The following CTNNA3 variants were observed in gnomAD, a reference collection of about 807,000 sequenced individuals.
CTNNA3 encodes catenin alpha 3, also known as catenin alpha-3.
In CTNNA3, 76 loss-of-function variants were observed where a neutral mutation model predicts 95.7. That is an observed-to-expected ratio of 0.79 (90% CI 0.66 to 0.96). The LOEUF (loss-of-function observed/expected upper bound fraction) is 0.96. Among genes scored for constraint, CTNNA3 ranks in the 40% least tolerant of loss-of-function variants. The pLI is 0.00. For missense variants in CTNNA3, 1,191 were observed against 1,089.8 expected (o/e 1.09, Z -1.31); for synonymous variants, 431 against 374.4 (o/e 1.15, Z -1.74).
chr10:67,314,881 A>G (rs1168416159), intron 5 of CTNNA3, among the ~76,000 whole-genome samples: 1 of 152,148 alleles, frequency 6.6e-6, no homozygotes, highest in Non-Finnish European at 1.5e-5. Context: ...TGCTACATTG[A>G]TTTTTATCAG....
rs189950547 is a variant in CTNNA3 at position 66,082,139 on chromosome 10, C to A, written c.1978-12650G>T. Among the ~76,000 whole-genome samples, 574 of 150,868 alleles carry A rather than the reference C, an allele frequency of 3.8e-3. 15 individuals are homozygous for A. The highest frequency in any genetic ancestry group is 0.031 in the Admixed American group (463 of 15,128). ...GCAAAAAAATAAAAATAAAAATAAA[C>A]ATAAAAACTGGCACTGCACCCAAGA... On this transcript the variant is annotated intron_variant, in intron 14 of 17. Coordinates refer to ENST00000433211, the MANE Select transcript of CTNNA3 (RefSeq NM_013266.4).
intron 7 of CTNNA3, among the ~76,000 whole-genome samples, chr10:66,819,092 T>TAAAAAAAAAAA (rs35494489): frequency 3.6e-5 from 4 of 110,722 alleles, no homozygotes; most frequent in African/African-American, 1.5e-4. Context: ...ACTCTTGTCT[T>TAAAAAAAAAAA]AAAAAAAAAA....
intron 5 of CTNNA3, among the ~76,000 whole-genome samples, chr10:67,405,540 A>G (rs1845108496): frequency 6.6e-6 from 1 of 152,252 alleles, no homozygotes; most frequent in Admixed American, 6.5e-5. Context: ...ACCCAGATTC[A>G]TAAAGCAAGT....
intron 5 of CTNNA3, among the ~76,000 whole-genome samples, chr10:67,235,201 G>A (rs868347349): frequency 1.1e-4 from 17 of 152,036 alleles, no homozygotes; most frequent in Middle Eastern, 3.4e-3. Flanking sequence ...AGCCCGCATC[G>A]CCAAGGCAAT....
At chr10:66,977,663 T>C (rs1850127749) in intron 7 of CTNNA3, among the ~76,000 whole-genome samples, 1 of 152,190 alleles carries the variant, frequency 6.6e-6, no homozygotes, top group Non-Finnish European at 1.5e-5. Flanking sequence ...GCCTTGTATG[T>C]TTTAAAGGTT....
rs548522308 is a variant in CTNNA3, at chr10:67,751,091, T to C, written c.-2+12343A>G. ...CCAAGTCTGTGACACCAGCACGCATTGTTGAGAACATTCAGGCCTTTGACT... is the reference window on the plus strand; with the variant it reads ...CCAAGTCTGTGACACCAGCACGCATCGTTGAGAACATTCAGGCCTTTGACT... On this transcript the variant is annotated intron_variant, in intron 1 of 17. Transcript: ENST00000684154. The C allele has an allele frequency of 3.5e-6, 5 of 1,424,838 alleles. No homozygotes were observed. In the South Asian group the frequency reaches 5.7e-5, roughly 16 times the overall value. The allele number at this position is 1,424,838 out of a possible 1,614,324, so 88.3% of individuals were successfully genotyped here.
At chr10:65,972,345 G>C (rs1013927515) in intron 16 of CTNNA3, among the ~76,000 whole-genome samples, 1 of 151,794 alleles carries the variant, frequency 6.6e-6, no homozygotes, top group Non-Finnish European at 1.5e-5. Flanking sequence ...ACAGCAATCA[G>C]GCAAAATAAA....
intron 12 of CTNNA3, among the ~76,000 whole-genome samples, chr10:66,359,838 T>C (rs977063995): frequency 4.0e-5 from 6 of 151,850 alleles, no homozygotes; most frequent in African/African-American, 1.4e-4. Context: ...CTATTTTTTT[T>C]TTTTTTTGAG....
At chr10:66,427,508 T>C (rs1386101707) in intron 11 of CTNNA3, among the ~76,000 whole-genome samples, 1 of 152,068 alleles carries the variant, frequency 6.6e-6, no homozygotes, top group East Asian at 1.9e-4. Flanking sequence ...ATTAGACAAA[T>C]GAATTTTTGC....
intron 7 of CTNNA3, among the ~76,000 whole-genome samples, chr10:67,178,345 C>CATATAGTCACTTTATAAGTACCTCTTT (rs1198680295): frequency 1.5e-4 from 23 of 152,092 alleles, no homozygotes; most frequent in Middle Eastern, 6.9e-3. Context: ...TGTCACGAGA[C>CATATAGTCACTTTATAAGTACCTCTTT]ATATAGTCAC....
chr10:67,226,347 A>T (rs1158722567), intron 5 of CTNNA3, among the ~76,000 whole-genome samples: 2 of 152,210 alleles, frequency 1.3e-5, no homozygotes, highest in Non-Finnish European at 2.9e-5. Context: ...AGAGACCTAG[A>T]CATCCAATTA....
chr10:67,376,887 C>G (rs985687305), intron 5 of CTNNA3, among the ~76,000 whole-genome samples: 14 of 152,184 alleles, frequency 9.2e-5, no homozygotes. Context: ...ATATTACAGC[C>G]TTGATACGAG....
intron 4 of CTNNA3, among the ~76,000 whole-genome samples, chr10:67,528,681 C>G (rs576603330): frequency 1.3e-5 from 2 of 152,194 alleles, no homozygotes; most frequent in Admixed American, 6.5e-5. Context: ...TACTTTTTAT[C>G]TAGTCTGTAA....
intron 17 of CTNNA3, among the ~76,000 whole-genome samples, chr10:65,926,965 T>C (rs1461937576): frequency 6.6e-6 from 1 of 152,204 alleles, no homozygotes; most frequent in East Asian, 1.9e-4. Context: ...AATCCTTATA[T>C]ATTTTTCTAT....
intron 5 of CTNNA3, among the ~76,000 whole-genome samples, chr10:67,476,423 T>A (rs1471009647): frequency 6.6e-6 from 1 of 151,802 alleles, no homozygotes; most frequent in African/African-American, 2.4e-5. Context: ...GTGCAGTGGG[T>A]CCCTCTCCAC....
At chr10:66,063,063 C>T (rs1589312182) in intron 15 of CTNNA3, among the ~76,000 whole-genome samples, 3 of 152,040 alleles carry the variant, frequency 2.0e-5, no homozygotes, top group East Asian at 1.9e-4. Flanking sequence ...AAGTGACATG[C>T]TGTTATTTTT....
intron 7 of CTNNA3, among the ~76,000 whole-genome samples, chr10:66,876,336 A>C (rs545527436): frequency 1.1e-4 from 17 of 152,288 alleles, no homozygotes; most frequent in African/African-American, 3.4e-4. Context: ...TAGGAAATTA[A>C]ATGAAATTGA....
chr10:66,963,393 T>A (rs1020471253), intron 7 of CTNNA3, among the ~76,000 whole-genome samples: 4 of 152,176 alleles, frequency 2.6e-5, no homozygotes. Flanking sequence ...GATTAATGCA[T>A]CTTAAATGAA....
intron 15 of CTNNA3, among the ~76,000 whole-genome samples, chr10:66,052,359 T>C (rs1010423833): frequency 3.3e-5 from 5 of 152,058 alleles, no homozygotes; most frequent in Non-Finnish European, 7.4e-5. Flanking sequence ...AATACAAATA[T>C]CAAAGATTGC....
Sources: allele counts gnomAD v4.1 joint callset (sites outside exome capture counted in the v4.1 genomes callset), GRCh38; gene constraint gnomAD v4.1.1; transcripts MANE v1.5; gene names NCBI Gene and HGNC (gene_info 2026-07-23, HGNC 2026-07-21).